Variants in COL22A1 observed in about 807,000 individuals in gnomAD.
The protein encoded by COL22A1 is collagen type XXII alpha 1 chain.
COL22A1 carries 221 observed loss-of-function variants against 248.9 expected under a neutral mutation model. That is an observed-to-expected ratio of 0.89 (90% CI 0.80 to 0.99). The LOEUF (loss-of-function observed/expected upper bound fraction) is 0.99. COL22A1 is among the 50% of genes least tolerant of loss of function. COL22A1 has a pLI of 0.00. For missense variants in COL22A1, 2,240 were observed against 2,179.0 expected (o/e 1.03, Z -0.56); for synonymous variants, 891 against 793.4 (o/e 1.12, Z -2.07).
chr8:138,795,848 C>T (rs1338304173), intron 12 of COL22A1, among the ~76,000 whole-genome samples: 1 of 151,966 alleles, frequency 6.6e-6, no homozygotes, highest in African/African-American at 2.4e-5. Context: ...ATGAGCTGGC[C>T]ACAGGAGAGC....
intron 7 of COL22A1, among the ~76,000 whole-genome samples, chr8:138,819,969 ACCC>A (rs1318171337): frequency 2.0e-5 from 3 of 151,950 alleles, no homozygotes; most frequent in African/African-American, 7.2e-5. Flanking sequence ...ATGGAGATGT[ACCC>A]CCCTTTTCAA....
chr8:138,692,057 C>CACGTTTGTGGAGGTGTGT (rs1827030155), intron 35 of COL22A1, among the ~76,000 whole-genome samples: 1 of 43,764 alleles, frequency 2.3e-5, no homozygotes, highest in African/African-American at 8.8e-5. Flanking sequence ...TGTGTGTGTG[C>CACGTTTGTGGAGGTGTGT]GCGCACGTTT....
chr8:138,718,182 G>A (rs944944579), intron 27 of COL22A1, among the ~76,000 whole-genome samples: 3 of 152,062 alleles, frequency 2.0e-5, no homozygotes, highest in Admixed American at 6.5e-5. Context: ...ATCCTGTAGC[G>A]CTGGTGTCAC....
At chr8:138,741,216 T>C (rs7387178) in intron 22 of COL22A1, among the ~76,000 whole-genome samples, 122,425 of 152,190 alleles carry the variant, frequency 0.8, 49,675 homozygotes, top group East Asian at 1. Flanking sequence ...TTCAGTGCTA[T>C]CTCTTCCATG....
chr8:138,882,332 TCA>T lies in COL22A1; in HGVS notation c.91+748_91+749del, dbSNP rs201847892. ...CACACATATTCACACTCCCTCAAAC[TCA>T]CACACACTTCCCCACACACTCCCTT... is the stretch of plus-strand genomic sequence containing the variant. On this transcript the variant is annotated intron_variant, in intron 2 of 64. Coordinates refer to ENST00000303045, the MANE Select transcript of COL22A1 (RefSeq NM_152888.3). Among the ~76,000 whole-genome samples, 463 of 151,478 alleles carry T rather than the reference TCA, an allele frequency of 3.1e-3. 4 individuals carry two copies. Among genetic ancestry groups the T allele is most frequent in the Admixed American group, 0.019 (288 of 15,204 alleles).
intron 47 of COL22A1, among the ~76,000 whole-genome samples, chr8:138,638,415 C>A (rs1587732467): frequency 6.6e-6 from 1 of 152,072 alleles, no homozygotes; most frequent in Non-Finnish European, 1.5e-5. Flanking sequence ...GGATGAGGGG[C>A]AGGTCCATCT....
At chr8:138,778,294 T>C in intron 15 of COL22A1, 59 bp downstream of exon 15, 1 of 1,600,012 alleles carries the variant, frequency 6.2e-7, no homozygotes, top group Non-Finnish European at 8.6e-7. Context: ...TGCTAGAACC[T>C]GGTTTTTGAT....
intron 27 of COL22A1, among the ~76,000 whole-genome samples, chr8:138,718,928 C>A (rs143312177): frequency 1.3e-5 from 2 of 152,256 alleles, no homozygotes; most frequent in South Asian, 2.1e-4. Flanking sequence ...TTGTCGTAAT[C>A]AATCCCCTTC....
rs773457596 is a variant in COL22A1, at chr8:138,716,857, C to A, written c.2368G>T (p.Glu790Ter). ...CCAGGTCGGCCTGCCAGGCCCTGCTCCCCAATTTCTCCCTGAAAATGCAAT... is the reference window on the plus strand; with the variant it reads ...CCAGGTCGGCCTGCCAGGCCCTGCTACCCAATTTCTCCCTGAAAATGCAAT... ...GKPGLRGEIG[E>*]QGLAGRPGEK... Residue 790 changes from glutamate to a stop codon, truncating the protein, a stop_gained, in exon 28 of 65, where the codon GAG becomes TAG. Transcript: ENST00000303045. LOFTEE classifies it high-confidence loss of function. 1 of 1,611,588 alleles carries A rather than the reference C, an allele frequency of 6.2e-7. No individual in the cohort carries two copies. Among genetic ancestry groups the A allele is most frequent in the Non-Finnish European group, 8.5e-7 (1 of 1,177,678 alleles).
At chr8:138,852,985 A>T (rs537477392) in intron 3 of COL22A1, among the ~76,000 whole-genome samples, 1 of 150,220 alleles carries the variant, frequency 6.7e-6, no homozygotes, top group African/African-American at 2.5e-5. Flanking sequence ...TCTACTACAA[A>T]AAAAAAAAGT....
intron 3 of COL22A1, among the ~76,000 whole-genome samples, chr8:138,865,587 GTGTA>G (rs772352188): frequency 9.9e-5 from 15 of 151,594 alleles, no homozygotes; most frequent in Non-Finnish European, 1.9e-4. Context: ...CTGTGTGTGA[GTGTA>G]TGTGTGTGTA....
chr8:138,597,838 G>C lies in COL22A1; in HGVS notation c.4366-868C>G, dbSNP rs551763887. ...TTGGCAAAGCTCCAAGAGGGCTTTG[G>C]AAGTCAGCTGAGTGCTCCAGCCTCT... On this transcript the variant is annotated intron_variant, in intron 61 of 64. Transcript: ENST00000303045. 7.9e-5 allele frequency among the ~76,000 whole-genome samples: 12 copies of C among 152,344 alleles called. No individual in the cohort carries two copies. The South Asian group carries it at 2.5e-3, about 32-fold the overall frequency.
At position 138,805,550 on chromosome 8, in the gene COL22A1, TG is replaced by T. The variant is rs201654248; in HGVS notation, c.1494+2217del. ...GTGATGGCATGTGTGTGATGGTATG[TG>T]TGATGGTGTGTTATGGTGTGTGTCT... On this transcript the variant is annotated intron_variant, in intron 10 of 64. Transcript: ENST00000303045. Among the ~76,000 whole-genome samples, 776 of 145,000 alleles carry T rather than the reference TG, an allele frequency of 5.4e-3. 5 individuals carry two copies. The highest frequency in any genetic ancestry group is 9.5e-3 in the Non-Finnish European group (630 of 66,620).
intron 25 of COL22A1, chr8:138,722,305 G>A: frequency 1.8e-6 from 1 of 567,796 alleles, no homozygotes; most frequent in Non-Finnish European, 3.2e-6. Context: ...CACCCTCTGG[G>A]CAATGTCTGA....
chr8:138,832,816 G>A (rs1183273078), intron 5 of COL22A1, among the ~76,000 whole-genome samples: 1 of 152,232 alleles, frequency 6.6e-6, no homozygotes, highest in Non-Finnish European at 1.5e-5. Context: ...GATAGGTGTA[G>A]AAGGATCAGA....
intron 12 of COL22A1, among the ~76,000 whole-genome samples, chr8:138,792,686 G>A (rs1816170227): frequency 6.6e-6 from 1 of 152,140 alleles, no homozygotes. Flanking sequence ...CATTTACCAG[G>A]TCCCTGGCTG....
chr8:138,723,066 GAA>G (rs67823536), intron 25 of COL22A1, among the ~76,000 whole-genome samples: 2 of 149,274 alleles, frequency 1.3e-5, no homozygotes, highest in Admixed American at 1.3e-4. Flanking sequence ...AAAGTTGAAG[GAA>G]AAAAAAAATG....
chr8:138,726,067 T>C (rs1256167952), intron 23 of COL22A1, among the ~76,000 whole-genome samples: 2 of 152,136 alleles, frequency 1.3e-5, no homozygotes, highest in Admixed American at 1.3e-4. Flanking sequence ...CACTTAAACT[T>C]TGGGGCATCT....
rs1215919461 is a variant in COL22A1, at chr8:138,878,580, C to A, written c.92-264G>T. Among the ~76,000 whole-genome samples, 4 of 152,284 alleles carry A rather than the reference C, an allele frequency of 2.6e-5. No homozygotes were observed. In the East Asian group the frequency reaches 7.7e-4, roughly 29 times the overall value. On this transcript the variant is annotated intron_variant, in intron 2 of 64. Transcript: ENST00000303045. Reference sequence around the variant, plus strand: ...ATCACATTAAAATGACTAACACCCACCGCACAGCACTATGCCTCAATCTCT... The same window carrying A: ...ATCACATTAAAATGACTAACACCCAACGCACAGCACTATGCCTCAATCTCT...
Sources: gnomAD v4.1 joint callset for allele counts (sites outside exome capture counted in the v4.1 genomes callset) on GRCh38, gnomAD v4.1.1 for gene constraint, MANE v1.5 for transcripts, NCBI Gene and HGNC (gene_info 2026-07-23, HGNC 2026-07-21) for gene names.